Variants in RIMBP2 observed in about 807,000 individuals in gnomAD.
RIMBP2 encodes the protein RIMS binding protein 2.
A neutral mutation model predicts 118.6 loss-of-function variants in RIMBP2; 48 were observed. The ratio of observed to expected loss-of-function variants is 0.40; its 90% CI spans 0.32 to 0.51. The LOEUF is 0.51. RIMBP2 is among the 20% of genes least tolerant of loss of function. The pLI, the probability that RIMBP2 is intolerant of heterozygous loss-of-function variation, is 0.41. For missense variants in RIMBP2, 1,551 were observed against 1,768.3 expected, an observed-to-expected ratio of 0.88 and a Z score of 2.20; for synonymous variants, 762 against 742.9, an observed-to-expected ratio of 1.03 and a Z score of -0.42.
chr12:130,583,151 C>G (rs2058585429), intron 2 of RIMBP2, among the ~76,000 whole-genome samples: 1 of 152,146 alleles, frequency 6.6e-6, no homozygotes, highest in African/African-American at 2.4e-5. Context: ...GACTCCATCC[C>G]CAGGCTAGCT....
intron 2 of RIMBP2, among the ~76,000 whole-genome samples, chr12:130,571,738 C>T (rs971496770): frequency 3.9e-5 from 6 of 152,156 alleles, no homozygotes; most frequent in Non-Finnish European, 8.8e-5. Context: ...AAAACGGGAA[C>T]CTCACTGTGG....
chr12:130,405,463 C>T (rs2075074925), intron 21 of RIMBP2, among the ~76,000 whole-genome samples: 1 of 152,178 alleles, frequency 6.6e-6, no homozygotes, highest in Non-Finnish European at 1.5e-5. Context: ...GGGACCCCCA[C>T]TGGGCTCTGC....
intron 2 of RIMBP2, among the ~76,000 whole-genome samples, chr12:130,519,938 A>C (rs1390690239): frequency 6.6e-6 from 1 of 152,208 alleles, no homozygotes. Flanking sequence ...CTTACTGCAC[A>C]GGGTCAAGGC....
At chr12:130,595,903 G>C (rs546093949) in intron 2 of RIMBP2, among the ~76,000 whole-genome samples, 7 of 152,354 alleles carry the variant, frequency 4.6e-5, no homozygotes, top group African/African-American at 1.7e-4. Context: ...ACCCAGTGTG[G>C]ATATTGTTGG....
intron 1 of RIMBP2, among the ~76,000 whole-genome samples, chr12:130,645,547 C>G (rs1456202312): frequency 6.6e-6 from 1 of 152,186 alleles, no homozygotes; most frequent in East Asian, 1.9e-4. Flanking sequence ...CAAGCCAGTT[C>G]AAAGTGAACT....
chr12:130,456,852 A>AGTGTGTGCATATGAGCATGTATCCT, intron 6 of RIMBP2, 152 bp from the exon 7 acceptor site: 1 of 620,154 alleles, frequency 1.6e-6, no homozygotes, highest in Non-Finnish European at 2.8e-6. Context: ...TGTGTGGTTG[A>AGTGTGTGCATATGAGCATGTATCCT]GTGTGTGCAT....
At chr12:130,530,019 T>C (rs1205116831) in intron 2 of RIMBP2, among the ~76,000 whole-genome samples, 1 of 152,144 alleles carries the variant, frequency 6.6e-6, no homozygotes, top group Non-Finnish European at 1.5e-5. Context: ...ACCCACACTA[T>C]AAGGGAAAAG....
intron 2 of RIMBP2, among the ~76,000 whole-genome samples, chr12:130,610,006 G>A (rs985755144): frequency 7.2e-5 from 11 of 152,250 alleles, no homozygotes; most frequent in Admixed American, 5.2e-4. Context: ...CTCCAGAAAC[G>A]CCCTCACAGG....
intron 2 of RIMBP2, among the ~76,000 whole-genome samples, chr12:130,529,744 T>C (rs1003594095): frequency 3.3e-5 from 5 of 152,126 alleles, no homozygotes; most frequent in Admixed American, 6.6e-5. Context: ...GAAGACAAGT[T>C]TTCCACAGAC....
At chr12:130,535,732 T>TAC (rs1566217898) in intron 2 of RIMBP2, among the ~76,000 whole-genome samples, 6 of 19,482 alleles carry the variant, frequency 3.1e-4, no homozygotes, top group African/African-American at 4.2e-4. Flanking sequence ...TATATACATA[T>TAC]ATATACATAT....
chr12:130,672,300 A>G (rs2064236421), intron 1 of RIMBP2, among the ~76,000 whole-genome samples: 2 of 152,266 alleles, frequency 1.3e-5, no homozygotes, highest in Non-Finnish European at 2.9e-5. Flanking sequence ...TCATTAAATC[A>G]ATTAAATCAC....
intron 2 of RIMBP2, among the ~76,000 whole-genome samples, chr12:130,572,348 G>C (rs1388012518): frequency 6.6e-6 from 1 of 152,054 alleles, no homozygotes; most frequent in African/African-American, 2.4e-5. Context: ...CCCAAACATG[G>C]AATCACCCCC....
chr12:130,655,083 A>G (rs891357698), intron 1 of RIMBP2, among the ~76,000 whole-genome samples: 6 of 152,168 alleles, frequency 3.9e-5, no homozygotes, highest in African/African-American at 1.2e-4. Flanking sequence ...TCCAAACCAT[A>G]TCAACATAAC....
chr12:130,641,779 G>C (rs1024044889), intron 1 of RIMBP2, among the ~76,000 whole-genome samples: 1 of 152,166 alleles, frequency 6.6e-6, no homozygotes, highest in African/African-American at 2.4e-5. Context: ...TGGCTGGAGA[G>C]TAAACCAGGA....
chr12:130,469,731 C>T lies in RIMBP2; in HGVS notation c.153+962G>A, dbSNP rs2080835602. ...TAGCCCGTTTTAAGTGGCTGCTGCTCCCCCAGGGACACAGGACAAGGTCAT... is the reference window on the plus strand; with the variant it reads ...TAGCCCGTTTTAAGTGGCTGCTGCTTCCCCAGGGACACAGGACAAGGTCAT... On this transcript the variant is annotated intron_variant, in intron 6 of 22. Coordinates refer to ENST00000690449, the MANE Select transcript of RIMBP2 (RefSeq NM_001393629.1). This position sits in a 1 kb window ranked among gnomAD's most constrained non-coding sequence, Gnocchi z 4.8. Among the ~76,000 whole-genome samples, 1 of 152,186 alleles carries T rather than the reference C, an allele frequency of 6.6e-6. No individual in the cohort carries two copies. The highest frequency in any genetic ancestry group is 1.5e-5 in the Non-Finnish European group (1 of 68,040).
chr12:130,700,970 G>A (rs1044996478), intron 1 of RIMBP2, among the ~76,000 whole-genome samples: 2 of 152,240 alleles, frequency 1.3e-5, no homozygotes, highest in Admixed American at 1.3e-4. Flanking sequence ...TGAGCATGGT[G>A]TGTGTGCCAC....
chr12:130,627,994 A>T (rs2061751035), intron 2 of RIMBP2, among the ~76,000 whole-genome samples: 1 of 152,196 alleles, frequency 6.6e-6, no homozygotes, highest in South Asian at 2.1e-4. Flanking sequence ...GAGATTTAGA[A>T]TCAATACCCT....
chr12:130,668,366 C>T (rs1238538317), intron 1 of RIMBP2: 1 of 152,246 alleles, frequency 6.6e-6, no homozygotes, highest in African/African-American at 2.4e-5. Context: ...GGGCCTGTGG[C>T]TGAGAGATAT....
chr12:130,490,809 G>A (rs2048569380), intron 4 of RIMBP2, among the ~76,000 whole-genome samples: 1 of 152,180 alleles, frequency 6.6e-6, no homozygotes, highest in Non-Finnish European at 1.5e-5. Flanking sequence ...CGGCTTACCG[G>A]CCAGTCCACA....
Sources: gnomAD v4.1 joint callset for allele counts (sites outside exome capture counted in the v4.1 genomes callset) on GRCh38, gnomAD v4.1.1 for gene constraint, Gnocchi (gnomAD v3.1) non-coding constraint, MANE v1.5 for transcripts, NCBI Gene and HGNC (gene_info 2026-07-23, HGNC 2026-07-21) for gene names.